NEDD8: variants seen among roughly 807,000 people sequenced by gnomAD.
NEDD8 encodes the protein NEDD8 ubiquitin like modifier.
In NEDD8, 1 loss-of-function variant was observed where a neutral mutation model predicts 13.8. The ratio of observed to expected loss-of-function variants is 0.07; its 90% CI spans 0.03 to 0.34. The LOEUF is 0.34. Ranked by LOEUF, NEDD8 falls within the 10% of genes least tolerant of loss-of-function variation. NEDD8 has a pLI of 0.99. For missense variants in NEDD8, 10 were observed against 95.2 expected, an observed-to-expected ratio of 0.10 and a Z score of 3.73; for synonymous variants, 31 against 33.2, an observed-to-expected ratio of 0.93 and a Z score of 0.23.
chr14:24,220,989 C>G lies in NEDD8; in HGVS notation c.19-2558G>C, dbSNP rs147875650. The stretch of plus-strand genomic sequence containing the variant: ...TCCCAACAAGGAGAATGATTTAGTA[C>G]TAGTATGTTTCCAAAAATACAAGAA... On this transcript the variant is annotated intron_variant, in intron 1 of 3. Coordinates refer to ENST00000250495, the MANE Select transcript of NEDD8 (RefSeq NM_006156.3). Among the ~76,000 whole-genome samples the G allele has an allele frequency of 1.6e-4, 24 of 152,316 alleles. 1 individual carries two copies. In the East Asian group the frequency reaches 4.6e-3, roughly 29 times the overall value.
intron 1 of NEDD8, among the ~76,000 whole-genome samples, chr14:24,225,884 CA>C: frequency 6.6e-6 from 1 of 151,776 alleles, no homozygotes; most frequent in East Asian, 1.9e-4. Flanking sequence ...ACTAAAAATA[CA>C]AAAAAATTAG....
At chr14:24,223,880 G>A (rs28810793) in intron 1 of NEDD8, among the ~76,000 whole-genome samples, 2,654 of 151,864 alleles carry the variant, frequency 0.017, 74 homozygotes, top group African/African-American at 0.058. Context: ...GGTTACAGCC[G>A]CGTGTCACTA....
intron 1 of NEDD8, chr14:24,228,393 A>C (rs1407632409): frequency 6.6e-6 from 1 of 152,130 alleles, no homozygotes; most frequent in Non-Finnish European, 1.5e-5. Context: ...ACTCCATCTC[A>C]AAAGCAAAAC....
intron 1 of NEDD8, among the ~76,000 whole-genome samples, chr14:24,229,025 A>C (rs1566669676): frequency 6.6e-6 from 1 of 152,110 alleles, no homozygotes; most frequent in Non-Finnish European, 1.5e-5. Flanking sequence ...GAAACAGAAA[A>C]AATCTAGAAT....
intron 1 of NEDD8, chr14:24,231,856 G>A: frequency 4.8e-6 from 1 of 207,690 alleles, no homozygotes; most frequent in Non-Finnish European, 9.7e-6. Flanking sequence ...GGGACTGGGA[G>A]AAGCAGGTAC....
At chr14:24,230,114 G>C (rs2039965854) in intron 1 of NEDD8, among the ~76,000 whole-genome samples, 1 of 148,974 alleles carries the variant, frequency 6.7e-6, no homozygotes, top group Non-Finnish European at 1.5e-5. Flanking sequence ...TTTTGACAGT[G>C]ATCCATTCTA....
At position 24,218,478 on chromosome 14, in the gene NEDD8, T is replaced by C. The variant is rs771108922; in HGVS notation, c.19-47A>G. 75 of 1,614,132 alleles carry C rather than the reference T, an allele frequency of 4.6e-5. No individual in the cohort carries two copies. In the Middle Eastern group the frequency reaches 3.6e-3, roughly 78 times the overall value. On this transcript the variant is annotated intron_variant, in intron 1 of 3. Coordinates refer to ENST00000250495, the MANE Select transcript of NEDD8 (RefSeq NM_006156.3). ...TGAGTCCTTAAAGCCCAATGTACAA[T>C]TTGTCTTCTAGGTAAAACATCCTAT...
At chr14:24,220,607 C>T (rs1044769787) in intron 1 of NEDD8, among the ~76,000 whole-genome samples, 4 of 152,224 alleles carry the variant, frequency 2.6e-5, no homozygotes, top group Non-Finnish European at 5.9e-5. Flanking sequence ...CAGGCATGAG[C>T]CACCTTGCCC....
At chr14:24,232,035 G>A (rs554605530) in intron 1 of NEDD8, 2 of 658,188 alleles carry the variant, frequency 3.0e-6, no homozygotes, top group African/African-American at 1.8e-5. Context: ...AAGCAGGCAT[G>A]GCAAAATACC....
intron 1 of NEDD8, among the ~76,000 whole-genome samples, chr14:24,229,543 A>G (rs2039954713): frequency 6.6e-6 from 1 of 152,166 alleles, no homozygotes; most frequent in African/African-American, 2.4e-5. Context: ...TTTAAACTGC[A>G]GGTCTCAACC....
chr14:24,219,791 TC>T (rs1424738151), intron 1 of NEDD8, among the ~76,000 whole-genome samples: 1 of 152,190 alleles, frequency 6.6e-6, no homozygotes, highest in East Asian at 1.9e-4. Flanking sequence ...TCCGTTATTT[TC>T]CTTGTTGCAA....
chr14:24,231,092 T>C lies in NEDD8; in HGVS notation c.18+1158A>G, dbSNP rs1594499930. On this transcript the variant is annotated intron_variant, in intron 1 of 3. Transcript: ENST00000250495. ...TTATTGTACAGGCAGGGTTTCGCCA[T>C]GTTGCCCAGGATGGTCTCCAACTCC... 2.0e-5 allele frequency among the ~76,000 whole-genome samples: 3 copies of C among 152,084 alleles called. No individual in the cohort carries two copies. The South Asian group carries it at 6.2e-4, about 32-fold the overall frequency.
At chr14:24,230,255 C>T (rs1225662176) in intron 1 of NEDD8, among the ~76,000 whole-genome samples, 5 of 129,666 alleles carry the variant, frequency 3.9e-5, no homozygotes, top group Admixed American at 3.2e-4. Context: ...AGGCCAGGCA[C>T]GGGGGAGGGT....
chr14:24,229,978 G>A (rs1389065053), intron 1 of NEDD8, among the ~76,000 whole-genome samples: 4 of 151,966 alleles, frequency 2.6e-5, no homozygotes, highest in Admixed American at 2.0e-4. Context: ...GCTGAGGCAG[G>A]AGAATCGCTT....
intron 1 of NEDD8, among the ~76,000 whole-genome samples, chr14:24,228,913 A>T (rs1467630000): frequency 6.6e-6 from 1 of 151,720 alleles, no homozygotes; most frequent in Non-Finnish European, 1.5e-5. Flanking sequence ...AGAGGGGGAG[A>T]TAGAGAGAGA....
chr14:24,231,494 TG>T (rs34585547), intron 1 of NEDD8, among the ~76,000 whole-genome samples: 32,657 of 67,308 alleles, frequency 0.49, 4,723 homozygotes, highest in East Asian at 0.64. Context: ...GAGGGGGGCG[TG>T]GGGGGGGGGG....
At position 24,216,947 on chromosome 14, in the gene NEDD8, C is replaced by A; in HGVS notation, c.*180G>T. 5.1e-6 allele frequency: 3 copies of A among 591,614 alleles called. No homozygotes were observed. Among genetic ancestry groups the A allele is most frequent in the Non-Finnish European group, 6.1e-6 (2 of 329,308 alleles). The allele number at this position is 591,614 out of a possible 1,614,324, so 36.6% of individuals were successfully genotyped here. A position where few individuals can be genotyped will look rare whatever the true frequency, so the allele number is the denominator to read the frequency against. On this transcript the variant is annotated 3_prime_UTR_variant, in exon 4 of 4. Transcript: ENST00000250495. ...AGGACTGCAAACTAACACCCAGTAG[C>A]CAGCAAGGGCCCTCTGGGCCAGGAA...
chr14:24,221,951 C>G (rs976219389), intron 1 of NEDD8, among the ~76,000 whole-genome samples: 1 of 152,100 alleles, frequency 6.6e-6, no homozygotes, highest in African/African-American at 2.4e-5. Flanking sequence ...GCTGCTCTCC[C>G]AAGAGCAAAA....
intron 3 of NEDD8, 85 bp from the exon 4 acceptor site, chr14:24,217,308 TTG>T: frequency 8.8e-7 from 1 of 1,134,710 alleles, no homozygotes; most frequent in South Asian, 1.4e-5. Flanking sequence ...GTTGTTGTTT[TTG>T]ACAGAGTCTC....
Sources: gnomAD v4.1 joint callset for allele counts (sites outside exome capture counted in the v4.1 genomes callset) on GRCh38, gnomAD v4.1.1 for gene constraint, MANE v1.5 for transcripts, NCBI Gene and HGNC (gene_info 2026-07-23, HGNC 2026-07-21) for gene names.